Variants in MACROD2 observed in about 807,000 individuals in gnomAD.
MACROD2 encodes ADP-ribose glycohydrolase MACROD2.
A neutral mutation model predicts 70.4 loss-of-function variants in MACROD2; 36 were observed. The ratio of observed to expected loss-of-function variants is 0.51; its 90% CI spans 0.39 to 0.68. The LOEUF is 0.68. MACROD2 is among the 30% of genes least tolerant of loss of function. The probability of loss-of-function intolerance (pLI) is 0.00; values close to 1 mark genes in which losing one functional copy is unlikely to be tolerated. For missense variants in MACROD2, 496 were observed against 538.4 expected (o/e 0.92, Z 0.78); for synonymous variants, 172 against 178.8 (o/e 0.96, Z 0.30).
Position 14,978,897 on chromosome 20 carries a change from T to TATATC in MACROD2, c.419-251040_419-251039insTCATA, listed in dbSNP as rs2074770126. 1.1e-3 allele frequency among the ~76,000 whole-genome samples: 5 copies of TATATC among 4,744 alleles called. No homozygotes were observed. The South Asian group carries it at 0.091, about 86-fold the overall frequency. 3.1% of individuals were successfully genotyped at this position (4,744 alleles called of 152,430 possible). On this transcript the variant is annotated intron_variant, in intron 5 of 17. Coordinates refer to ENST00000684519, the MANE Select transcript of MACROD2 (RefSeq NM_001351661.2). ...TATAATATATAAAATATATATATTA[T>TATATC]ATAATATATTATATATAATATATAT...
At chr20:15,207,583 C>G (rs1416142094) in intron 5 of MACROD2, among the ~76,000 whole-genome samples, 3 of 151,814 alleles carry the variant, frequency 2.0e-5, no homozygotes, top group Admixed American at 6.6e-5. Context: ...GCTGGGACTA[C>G]AGGTGTGTGC....
intron 2 of MACROD2, among the ~76,000 whole-genome samples, chr20:14,031,167 A>G (rs1023587186): frequency 6.6e-6 from 1 of 152,240 alleles, no homozygotes; most frequent in Non-Finnish European, 1.5e-5. Context: ...TTCATAAAAC[A>G]TGTCTTTTTC....
intron 7 of MACROD2, among the ~76,000 whole-genome samples, chr20:15,490,280 TCTTTC>T: frequency 6.7e-6 from 1 of 148,384 alleles, no homozygotes; most frequent in African/African-American, 2.6e-5. Context: ...TCTCTTTCTT[TCTTTC>T]CTTCTTTCTT....
intron 5 of MACROD2, among the ~76,000 whole-genome samples, chr20:14,750,949 T>C (rs204091): frequency 0.88 from 133,593 of 152,070 alleles, 59,020 homozygotes; most frequent in African/African-American, 0.94. Context: ...CTATACTAGA[T>C]CCCATGTACA....
intron 8 of MACROD2, among the ~76,000 whole-genome samples, chr20:15,659,286 G>T (rs2049780317): frequency 1.5e-5 from 2 of 132,216 alleles, no homozygotes; most frequent in South Asian, 5.4e-4. Context: ...CAAATCAAAA[G>T]CTTGCAAGAT....
chr20:15,436,808 C>G (rs2046433459), intron 7 of MACROD2, among the ~76,000 whole-genome samples: 1 of 152,166 alleles, frequency 6.6e-6, no homozygotes, highest in Non-Finnish European at 1.5e-5. Context: ...GCAAACACAA[C>G]TCCCAACATT....
intron 4 of MACROD2, among the ~76,000 whole-genome samples, chr20:14,501,782 C>T (rs915660673): frequency 5.9e-5 from 9 of 152,018 alleles, no homozygotes; most frequent in African/African-American, 1.9e-4. Context: ...TGTGGAAATA[C>T]GTTGGTAAAA....
At chr20:14,474,166 T>A (rs2084562597) in intron 3 of MACROD2, among the ~76,000 whole-genome samples, 1 of 152,158 alleles carries the variant, frequency 6.6e-6, no homozygotes, top group Admixed American at 6.5e-5. Flanking sequence ...GTGCAGAAGC[T>A]TTTGTGTTTC....
intron 6 of MACROD2, among the ~76,000 whole-genome samples, chr20:15,255,238 T>A (rs2077189546): frequency 6.6e-6 from 1 of 152,080 alleles, no homozygotes; most frequent in Non-Finnish European, 1.5e-5. Flanking sequence ...AAGAAGATTC[T>A]GAGGTTTTAT....
intron 3 of MACROD2, among the ~76,000 whole-genome samples, chr20:14,192,050 G>A (rs1432843932): frequency 3.3e-4 from 50 of 151,952 alleles, no homozygotes; most frequent in Admixed American, 3.2e-3. Flanking sequence ...CCAGGTGAGA[G>A]CTACACATCA....
At chr20:15,121,513 C>CAAAAAAAAA (rs5840653) in intron 5 of MACROD2, among the ~76,000 whole-genome samples, 2 of 122,016 alleles carry the variant, frequency 1.6e-5, no homozygotes, top group African/African-American at 3.2e-5. Flanking sequence ...AACTCTGCCT[C>CAAAAAAAAA]AAAAAAAAAA....
intron 5 of MACROD2, among the ~76,000 whole-genome samples, chr20:14,822,800 C>T (rs1384434051): frequency 1.3e-5 from 2 of 151,904 alleles, no homozygotes; most frequent in Non-Finnish European, 2.9e-5. Flanking sequence ...GTGCATGTAC[C>T]CACACCATTG....
chr20:15,125,072 A>G (rs2076056921), intron 5 of MACROD2, among the ~76,000 whole-genome samples: 2 of 152,082 alleles, frequency 1.3e-5, no homozygotes, highest in Admixed American at 1.3e-4. Context: ...TCCACCTTTC[A>G]CTATTATACC....
chr20:15,793,459 T>A (rs919895662), intron 8 of MACROD2, among the ~76,000 whole-genome samples: 1 of 152,198 alleles, frequency 6.6e-6, no homozygotes, highest in Non-Finnish European at 1.5e-5. Flanking sequence ...GTATATGTAT[T>A]TCTTTTGTTT....
chr20:14,269,262 G>A (rs551370482), intron 3 of MACROD2, among the ~76,000 whole-genome samples: 6 of 152,228 alleles, frequency 3.9e-5, no homozygotes, highest in South Asian at 2.1e-4. Flanking sequence ...GAAAAAGAGC[G>A]TATTATGTAG....
intron 8 of MACROD2, among the ~76,000 whole-genome samples, chr20:15,708,271 A>G (rs1394020396): frequency 1.3e-5 from 2 of 152,140 alleles, no homozygotes; most frequent in African/African-American, 4.8e-5. Context: ...TAATACCCAT[A>G]GTAAAAAGCA....
chr20:14,348,043 T>A (rs1177313663), intron 3 of MACROD2, among the ~76,000 whole-genome samples: 1 of 151,740 alleles, frequency 6.6e-6, no homozygotes, highest in Non-Finnish European at 1.5e-5. Context: ...AGGTGGATCA[T>A]CTGAGGTCAG....
At chr20:14,755,413 G>A (rs1369979370) in intron 5 of MACROD2, among the ~76,000 whole-genome samples, 3 of 152,030 alleles carry the variant, frequency 2.0e-5, no homozygotes, top group African/African-American at 7.3e-5. Flanking sequence ...TTTAAAATCA[G>A]AGACAAGTGC....
At chr20:14,557,469 A>C (rs955552551) in intron 4 of MACROD2, among the ~76,000 whole-genome samples, 1 of 151,964 alleles carries the variant, frequency 6.6e-6, no homozygotes. Context: ...TTTGTAAAGC[A>C]TACATCTGAT....
Sources: allele counts gnomAD v4.1 joint callset (sites outside exome capture counted in the v4.1 genomes callset), GRCh38; gene constraint gnomAD v4.1.1; transcripts MANE v1.5; gene names NCBI Gene and HGNC (gene_info 2026-07-23, HGNC 2026-07-21).